ZNF92: variants seen among roughly 807,000 people sequenced by gnomAD.
ZNF92 encodes zinc finger protein 92, also known as epididymis luminal protein 203.
Under a neutral mutation model 12.4 loss-of-function variants are expected in ZNF92, and 11 were observed. That is an observed-to-expected ratio of 0.89 (90% CI 0.56 to 1.47). The LOEUF is 1.47. Among genes scored for constraint, ZNF92 ranks in the 40% most tolerant of loss-of-function variants. ZNF92 has a pLI of 0.00. For synonymous variants in ZNF92, 206 were observed against 228.6 expected (o/e 0.90, Z 0.89); for missense variants, 622 against 681.0 (o/e 0.91, Z 0.96).
At position 65,399,034 on chromosome 7, in the gene ZNF92, A is replaced by G. The variant is rs970086387; in HGVS notation, c.920A>G (p.His307Arg). Residue 307 changes from histidine to arginine, a missense_variant, in exon 4 of 4, where the codon CAT becomes CGT. Physicochemically the swap from His to Arg is conservative, Grantham distance 29. Coordinates refer to ENST00000328747, the MANE Select transcript of ZNF92 (RefSeq NM_152626.4). The part of the protein sequence containing the change: ...FSILNKHKRI[H>R]MEDKPYKCEE... ...ATTCTTAATAAACATAAGAGAATTCATATGGAAGATAAACCCTACAAATGT... is the reference window on the plus strand; with the variant it reads ...ATTCTTAATAAACATAAGAGAATTCGTATGGAAGATAAACCCTACAAATGT... 9 of 1,613,312 alleles carry G rather than the reference A, an allele frequency of 5.6e-6. No individual in the cohort carries two copies. The African/African-American group carries it at 8.0e-5, about 14-fold the overall frequency.
intron 1 of ZNF92, among the ~76,000 whole-genome samples, chr7:65,383,269 A>G (rs954218275): frequency 6.6e-6 from 1 of 152,112 alleles, no homozygotes; most frequent in African/African-American, 2.4e-5. Context: ...AATTAAGGAC[A>G]TATTATTTAG....
At chr7:65,391,368 C>G (rs1299169347) in intron 3 of ZNF92, among the ~76,000 whole-genome samples, 1 of 152,016 alleles carries the variant, frequency 6.6e-6, no homozygotes, top group East Asian at 1.9e-4. Flanking sequence ...TACATTTTTA[C>G]TTTCTATTTT....
At chr7:65,396,695 T>G (rs541882636) in intron 3 of ZNF92, among the ~76,000 whole-genome samples, 18 of 152,150 alleles carry the variant, frequency 1.2e-4, no homozygotes, top group Admixed American at 6.5e-4. Flanking sequence ...TTTCTCTTTT[T>G]GTATATGCAA....
chr7:65,389,170 G>C (rs778205256), intron 3 of ZNF92, among the ~76,000 whole-genome samples: 13 of 151,956 alleles, frequency 8.6e-5, no homozygotes, highest in Non-Finnish European at 1.5e-4. Context: ...TGTTGGTCAG[G>C]CTAGTCTCGA....
At chr7:65,386,332 T>TA (rs1262843681) in intron 1 of ZNF92, among the ~76,000 whole-genome samples, 3 of 152,124 alleles carry the variant, frequency 2.0e-5, no homozygotes, top group African/African-American at 7.2e-5. Flanking sequence ...TATTTCTTCC[T>TA]ATATACTGGA....
intron 1 of ZNF92, among the ~76,000 whole-genome samples, chr7:65,383,535 T>C (rs1250937055): frequency 6.6e-6 from 1 of 151,980 alleles, no homozygotes; most frequent in African/African-American, 2.4e-5. Flanking sequence ...TTTTCAGATC[T>C]TGTTCAGTGA....
chr7:65,390,826 G>A (rs1793691710), intron 3 of ZNF92, among the ~76,000 whole-genome samples: 1 of 152,124 alleles, frequency 6.6e-6, no homozygotes, highest in Non-Finnish European at 1.5e-5. Flanking sequence ...CACAGTAAAG[G>A]CCAAGGTCTG....
At chr7:65,385,284 A>G (rs988349024) in intron 1 of ZNF92, among the ~76,000 whole-genome samples, 10 of 152,150 alleles carry the variant, frequency 6.6e-5, no homozygotes, top group Non-Finnish European at 1.2e-4. Flanking sequence ...TAATTAGCTA[A>G]GCGTTTATCA....
chr7:65,386,878 A>AT (rs1322349007), intron 1 of ZNF92, among the ~76,000 whole-genome samples: 2 of 149,696 alleles, frequency 1.3e-5, no homozygotes, highest in African/African-American at 4.9e-5. Context: ...TCTCTGACAG[A>AT]TTTTTTCACT....
Position 65,373,925 on chromosome 7 carries a change from C to T in ZNF92, c.-73C>T. The T allele has an allele frequency of 2.5e-6, 4 of 1,605,310 alleles. No homozygotes were observed. Among genetic ancestry groups the T allele is most frequent in the East Asian group, 2.2e-5 (1 of 44,826 alleles). The stretch of plus-strand genomic sequence containing the variant: ...GCGTCCTGTGCTGATAAAGGCTCGC[C>T]GCTGTGACCCTGTTACCTGCAAGAA... On this transcript the variant is annotated 5_prime_UTR_variant, in exon 1 of 4. Transcript: ENST00000328747.
chr7:65,392,031 T>G (rs1793729397), intron 3 of ZNF92, among the ~76,000 whole-genome samples: 1 of 152,150 alleles, frequency 6.6e-6, no homozygotes, highest in Non-Finnish European at 1.5e-5. Flanking sequence ...CAGTTTTTGT[T>G]TCTTGTTTTT....
At chr7:65,376,539 C>T (rs922891214) in intron 1 of ZNF92, among the ~76,000 whole-genome samples, 1 of 152,020 alleles carries the variant, frequency 6.6e-6, no homozygotes, top group African/African-American at 2.4e-5. Flanking sequence ...CTCTGCCTCC[C>T]AGGTTCAAGC....
At chr7:65,384,676 A>G (rs893794554) in intron 1 of ZNF92, among the ~76,000 whole-genome samples, 1 of 151,990 alleles carries the variant, frequency 6.6e-6, no homozygotes, top group Admixed American at 6.6e-5. Context: ...CCTCCAAACT[A>G]CGTTAAACTC....
intron 1 of ZNF92, 50 bp from the exon 2 acceptor site, chr7:65,387,852 G>T (rs756221314): frequency 6.6e-7 from 1 of 1,509,994 alleles, no homozygotes; most frequent in South Asian, 1.3e-5. Context: ...TTCTGCCCAT[G>T]GCCACTTAGT....
Position 65,398,423 on chromosome 7 carries a change from T to C in ZNF92, c.309T>C (p.Tyr103=), listed in dbSNP as rs1463897232. ...TCCAAAAAGTGATACTGAGAACATA[T>C]GGAAAATATGGACATGAGAATTTAC... ...DSFQKVILRT[Y]GKYGHENLQL... is the part of the protein sequence containing the mutation. Residue 103 remains tyrosine, a synonymous_variant, in exon 4 of 4, where the codon TAT becomes TAC. Transcript: ENST00000328747. 3 of 1,612,376 alleles carry C rather than the reference T, an allele frequency of 1.9e-6. No individual in the cohort carries two copies. Among genetic ancestry groups the C allele is most frequent in the Admixed American group, 3.4e-5 (2 of 59,570 alleles).
chr7:65,393,289 TATGTC>T (rs769431904), intron 3 of ZNF92, among the ~76,000 whole-genome samples: 13 of 152,156 alleles, frequency 8.5e-5, no homozygotes, highest in Non-Finnish European at 1.6e-4. Flanking sequence ...GTTACTGGCT[TATGTC>T]AGGTGACAAA....
intron 1 of ZNF92, among the ~76,000 whole-genome samples, chr7:65,380,364 T>A (rs1410759398): frequency 6.6e-6 from 1 of 152,062 alleles, no homozygotes; most frequent in African/African-American, 2.4e-5. Context: ...TCTCCTGGGC[T>A]CAAGCAATCC....
chr7:65,375,354 C>T (rs547412038), intron 1 of ZNF92, among the ~76,000 whole-genome samples: 34 of 152,168 alleles, frequency 2.2e-4, no homozygotes, highest in African/African-American at 6.0e-4. Flanking sequence ...CATTTTCTCT[C>T]GTAGAATAAC....
Position 65,373,931 on chromosome 7 carries a change from G to C in ZNF92, c.-67G>C, listed in dbSNP as rs1413569930. The C allele has an allele frequency of 2.5e-6, 4 of 1,610,972 alleles. No individual in the cohort carries two copies. In the African/African-American group the frequency reaches 4.0e-5, roughly 16 times the overall value. ...TGTGCTGATAAAGGCTCGCCGCTGTGACCCTGTTACCTGCAAGAACTTGGA... is the reference window on the plus strand; with the variant it reads ...TGTGCTGATAAAGGCTCGCCGCTGTCACCCTGTTACCTGCAAGAACTTGGA... On this transcript the variant is annotated 5_prime_UTR_variant, in exon 1 of 4. Coordinates refer to ENST00000328747, the MANE Select transcript of ZNF92 (RefSeq NM_152626.4).
Sources: allele counts gnomAD v4.1 joint callset (sites outside exome capture counted in the v4.1 genomes callset), GRCh38; gene constraint gnomAD v4.1.1; transcripts MANE v1.5; gene names NCBI Gene and HGNC (gene_info 2026-07-23, HGNC 2026-07-21).